Variants in NUP155 observed in about 807,000 individuals in gnomAD.
The protein encoded by NUP155 is nuclear pore complex protein Nup155.
NUP155 carries 71 observed loss-of-function variants against 180.4 expected under a neutral mutation model. The observed-to-expected ratio is 0.39, with a 90% CI of 0.33 to 0.48. The LOEUF is 0.48. Among genes scored for constraint, NUP155 ranks in the 20% least tolerant of loss-of-function variants. The probability of loss-of-function intolerance (pLI) is 0.91; values close to 1 mark genes in which losing one functional copy is unlikely to be tolerated. For synonymous variants in NUP155, 582 were observed against 559.5 expected, an observed-to-expected ratio of 1.04 and a Z score of -0.57; for missense variants, 1,553 against 1,648.9, an observed-to-expected ratio of 0.94 and a Z score of 1.01.
intron 17 of NUP155, 37 bp downstream of exon 17, chr5:37,328,321 C>G (rs377235228): frequency 2.0e-5 from 30 of 1,480,984 alleles, no homozygotes; most frequent in Non-Finnish European, 2.8e-5. Context: ...GTTAGCACTT[C>G]AAAATGAATC....
intron 1 of NUP155, among the ~76,000 whole-genome samples, chr5:37,369,609 CTAATAGGCCAATCAGG>C (rs71868883): frequency 0.036 from 5,469 of 151,146 alleles, 335 homozygotes; most frequent in African/African-American, 0.13. Flanking sequence ...ATGATAATTG[CTAATAGGCCAATCAGG>C]TATTATAAGA....
chr5:37,333,363 AG>A, intron 13 of NUP155, 99 bp downstream of exon 13: 1 of 1,118,804 alleles, frequency 8.9e-7, no homozygotes, highest in South Asian at 1.3e-5. Context: ...CAAAAAAAAA[AG>A]AAAGAAAATT....
At chr5:37,304,700 TAAG>T (rs768622180) in intron 27 of NUP155, 36 bp downstream of exon 27, 8 of 1,365,258 alleles carry the variant, frequency 5.9e-6, no homozygotes, top group Non-Finnish European at 6.3e-6. Flanking sequence ...TTATGCTCCT[TAAG>T]AATAATTAAC....
intron 21 of NUP155, among the ~76,000 whole-genome samples, chr5:37,315,210 C>T (rs191377754): frequency 4.8e-4 from 73 of 152,104 alleles, no homozygotes; most frequent in Admixed American, 1.6e-3. Flanking sequence ...CCAGCCTCGG[C>T]GAAAAAGCGA....
rs191259521 is a variant in NUP155 at position 37,292,340 on chromosome 5, C to T, written c.4038-302G>A. 2.1e-3 allele frequency among the ~76,000 whole-genome samples: 316 copies of T among 152,074 alleles called. 1 individual carries two copies. Among genetic ancestry groups the T allele is most frequent in the Non-Finnish European group, 3.2e-3 (215 of 67,956 alleles). ...ACGCCATTCTCCTGCCTCAGCCTCC[C>T]GTGTAGCTGGGACTACAGGTGCCCG... On this transcript the variant is annotated intron_variant, in intron 34 of 34. Coordinates refer to ENST00000231498, the MANE Select transcript of NUP155 (RefSeq NM_153485.3).
chr5:37,328,556 T>G (rs1744757860), intron 16 of NUP155, 136 bp from the exon 17 acceptor site: 4 of 654,158 alleles, frequency 6.1e-6, no homozygotes, highest in Non-Finnish European at 1.1e-5. Context: ...CAGGCTGGAG[T>G]GCAGTGGCAT....
intron 12 of NUP155, among the ~76,000 whole-genome samples, chr5:37,334,424 A>G (rs1745185890): frequency 6.6e-6 from 1 of 151,688 alleles, no homozygotes. Flanking sequence ...CCTGTTGCCA[A>G]GGCTGGAGTG....
chr5:37,288,727 C>T lies in NUP155; in HGVS notation c.*3173G>A, dbSNP rs1742116152. Reference sequence around the variant, plus strand: ...AGCAGTCTGGGCAACAGAGTGAGATCTTTTGGCTACACAAAAAATTAAAAA... The same window carrying T: ...AGCAGTCTGGGCAACAGAGTGAGATTTTTTGGCTACACAAAAAATTAAAAA... On this transcript the variant is annotated 3_prime_UTR_variant, in exon 35 of 35. Coordinates refer to ENST00000231498, the MANE Select transcript of NUP155 (RefSeq NM_153485.3). 9.9e-6 allele frequency: 1 copy of T among 100,962 alleles called. No individual in the cohort carries two copies. Among genetic ancestry groups the T allele is most frequent in the African/African-American group, 3.9e-5 (1 of 25,798 alleles). 6.3% of individuals were successfully genotyped at this position (100,962 alleles called of 1,614,324 possible).
intron 22 of NUP155, 141 bp from the exon 23 acceptor site, chr5:37,310,884 C>T (rs1743485032): frequency 1.5e-6 from 1 of 661,646 alleles, no homozygotes; most frequent in African/African-American, 1.8e-5. Flanking sequence ...TTAGTAGAAA[C>T]AAATTTTTGC....
intron 30 of NUP155, 72 bp from the exon 31 acceptor site, chr5:37,299,640 T>C (rs1194750810): frequency 1.4e-6 from 2 of 1,453,728 alleles, no homozygotes; most frequent in African/African-American, 2.8e-5. Context: ...GAAGCACTCC[T>C]TGAAAATTAA....
intron 27 of NUP155, 111 bp downstream of exon 27, chr5:37,304,628 A>G (rs553204900): frequency 1.3e-6 from 1 of 782,096 alleles, no homozygotes; most frequent in African/African-American, 1.7e-5. Flanking sequence ...CTAACATCTA[A>G]TAGCAGGCAT....
intron 20 of NUP155, among the ~76,000 whole-genome samples, chr5:37,319,362 T>C (rs1744099044): frequency 6.6e-6 from 1 of 152,126 alleles, no homozygotes; most frequent in African/African-American, 2.4e-5. Flanking sequence ...ATCTCAAAAA[T>C]CTGTTTAAAA....
rs760795933 is a variant in NUP155, at chr5:37,331,811, A to G, written c.1519-16T>C. On this transcript the variant is annotated splice_polypyrimidine_tract_variant and intron_variant, in intron 13 of 34. Coordinates refer to ENST00000231498, the MANE Select transcript of NUP155 (RefSeq NM_153485.3). ...TAAGGCTCCCCTAAGAAATTTGAAG[A>G]AAGAACATGAACAAGAGATTTACCA... 2.0e-6 allele frequency: 3 copies of G among 1,468,826 alleles called. No homozygotes were observed. The highest frequency in any genetic ancestry group is 2.3e-5 in the South Asian group (2 of 88,216). The allele number at this position is 1,468,826 out of a possible 1,614,324, so 91.0% of individuals were successfully genotyped here.
At chr5:37,370,180 G>C (rs1438293980) in intron 1 of NUP155, among the ~76,000 whole-genome samples, 1 of 152,146 alleles carries the variant, frequency 6.6e-6, no homozygotes, top group African/African-American at 2.4e-5. Flanking sequence ...GACCAGCCAG[G>C]CCAATATGGT....
rs769328844 is a variant in NUP155, at chr5:37,331,795, C to T, written c.1519G>A (p.Gly507Arg). 2 of 1,591,704 alleles carry T rather than the reference C, an allele frequency of 1.3e-6. No homozygotes were observed. The highest frequency in any genetic ancestry group is 2.2e-5 in the South Asian group (2 of 90,688). The change falls in exon 14 of 35, where the codon GGG becomes AGG. Residue 507 changes from glycine to arginine, a missense_variant and splice_region_variant. Coordinates refer to ENST00000231498, the MANE Select transcript of NUP155 (RefSeq NM_153485.3). ...PKKFVLLSAQ[G>R]SLMFHKLRPV... ...CTAAGTTTATGAAACATAAGGCTCC[C>T]CTAAGAAATTTGAAGAAAGAACATG...
At chr5:37,321,757 C>T (rs1316542795) in intron 20 of NUP155, among the ~76,000 whole-genome samples, 1 of 152,176 alleles carries the variant, frequency 6.6e-6, no homozygotes, top group Non-Finnish European at 1.5e-5. Context: ...TATACACACA[C>T]ACACACAAAG....
chr5:37,310,279 T>C (rs561744410), intron 23 of NUP155, among the ~76,000 whole-genome samples: 192 of 152,220 alleles, frequency 1.3e-3, no homozygotes, highest in Non-Finnish European at 2.0e-3. Flanking sequence ...TGAGCTATGA[T>C]CACAGCACTG....
intron 17 of NUP155, 46 bp from the exon 18 acceptor site, chr5:37,327,822 A>T (rs1305516970): frequency 1.3e-6 from 2 of 1,593,372 alleles, no homozygotes; most frequent in Middle Eastern, 3.3e-4. Flanking sequence ...TTAATCTTAG[A>T]ACCCATAAAT....
At chr5:37,310,421 A>G in intron 23 of NUP155, 131 bp downstream of exon 23, 1 of 646,976 alleles carries the variant, frequency 1.5e-6, no homozygotes, top group East Asian at 2.7e-5. Context: ...CCTTTCTTAG[A>G]TGAGGATTCT....
Sources: allele counts gnomAD v4.1 joint callset (sites outside exome capture counted in the v4.1 genomes callset), GRCh38; gene constraint gnomAD v4.1.1; transcripts MANE v1.5; gene names NCBI Gene and HGNC (gene_info 2026-07-23, HGNC 2026-07-21).